The following SNTG1 variants were observed in gnomAD, a reference collection of about 807,000 sequenced individuals.
The protein encoded by SNTG1 is gamma-1-syntrophin.
In SNTG1, 39 loss-of-function variants were observed where a neutral mutation model predicts 74.7. The ratio of observed to expected loss-of-function variants is 0.52; its 90% CI spans 0.40 to 0.68. SNTG1 has a LOEUF of 0.68. Ranked by LOEUF, SNTG1 falls within the 30% of genes least tolerant of loss-of-function variation. The pLI is 0.00. For synonymous variants in SNTG1, 254 were observed against 217.1 expected (o/e 1.17, Z -1.49); for missense variants, 685 against 609.5 (o/e 1.12, Z -1.30).
intron 1 of SNTG1, among the ~76,000 whole-genome samples, chr8:50,069,032 G>A (rs2130988561): frequency 6.6e-6 from 1 of 152,250 alleles, no homozygotes; most frequent in African/African-American, 2.4e-5. Flanking sequence ...CAATTTATCT[G>A]TTTTCTCCAG....
intron 18 of SNTG1, 48 bp downstream of exon 18, chr8:50,752,159 C>A: frequency 9.7e-7 from 1 of 1,031,316 alleles, no homozygotes; most frequent in South Asian, 2.4e-5. Context: ...ACATTAATGC[C>A]ATTAAGGAAC....
At chr8:50,781,798 C>T (rs1321165019) in intron 18 of SNTG1, among the ~76,000 whole-genome samples, 1 of 152,142 alleles carries the variant, frequency 6.6e-6, no homozygotes, top group Non-Finnish European at 1.5e-5. Context: ...TCTTCCTAGC[C>T]TTGATGGTCT....
chr8:50,518,432 C>T (rs994674984), intron 9 of SNTG1, among the ~76,000 whole-genome samples: 4 of 152,006 alleles, frequency 2.6e-5, no homozygotes, highest in African/African-American at 9.7e-5. Flanking sequence ...TAAAAGCTAG[C>T]AGAAGACAAG....
chr8:50,564,472 AT>A (rs2094505114), intron 12 of SNTG1, among the ~76,000 whole-genome samples: 1 of 152,082 alleles, frequency 6.6e-6, no homozygotes, highest in Non-Finnish European at 1.5e-5. Context: ...TTGAATAGTT[AT>A]TTTGCATTTA....
At chr8:50,499,076 C>T (rs1419201501) in intron 8 of SNTG1, among the ~76,000 whole-genome samples, 1 of 151,308 alleles carries the variant, frequency 6.6e-6, no homozygotes, top group African/African-American at 2.4e-5. Flanking sequence ...TTTGATTTTC[C>T]AAAGGTGGTT....
intron 15 of SNTG1, among the ~76,000 whole-genome samples, chr8:50,671,972 C>T (rs1563724742): frequency 7.0e-6 from 1 of 142,156 alleles, no homozygotes; most frequent in African/African-American, 2.7e-5. Context: ...CATGTTCTCA[C>T]TCACAGATGG....
At chr8:50,448,029 A>G (rs892942874) in intron 5 of SNTG1, among the ~76,000 whole-genome samples, 2 of 152,152 alleles carry the variant, frequency 1.3e-5, no homozygotes, top group African/African-American at 4.8e-5. Flanking sequence ...GCCACAAATC[A>G]CTATCTCTGT....
At chr8:50,602,483 A>T (rs933850295) in intron 13 of SNTG1, among the ~76,000 whole-genome samples, 2 of 152,016 alleles carry the variant, frequency 1.3e-5, no homozygotes, top group East Asian at 1.9e-4. Context: ...AGTTGTAGTT[A>T]TTATTTTTGA....
At chr8:50,083,369 A>T (rs1316973572) in intron 1 of SNTG1, among the ~76,000 whole-genome samples, 1 of 152,216 alleles carries the variant, frequency 6.6e-6, no homozygotes, top group Non-Finnish European at 1.5e-5. Flanking sequence ...AGAGACTTAG[A>T]TAATTCTTTA....
At chr8:50,516,113 T>G (rs2130058539) in intron 9 of SNTG1, among the ~76,000 whole-genome samples, 1 of 152,184 alleles carries the variant, frequency 6.6e-6, no homozygotes, top group African/African-American at 2.4e-5. Flanking sequence ...GGCAACAATT[T>G]TTGCTGTTCT....
chr8:49,952,952 A>C (rs1388722388), intron 1 of SNTG1, among the ~76,000 whole-genome samples: 2 of 152,218 alleles, frequency 1.3e-5, no homozygotes, highest in African/African-American at 2.4e-5. Context: ...TCAATTGTTC[A>C]GTATCATGTA....
chr8:49,967,254 C>T (rs1811225973), intron 1 of SNTG1, among the ~76,000 whole-genome samples: 1 of 152,190 alleles, frequency 6.6e-6, no homozygotes, highest in African/African-American at 2.4e-5. Context: ...TTGAAGAATG[C>T]CTGTCTGGCT....
chr8:50,403,869 T>G (rs1187967007), intron 4 of SNTG1, among the ~76,000 whole-genome samples: 1 of 152,196 alleles, frequency 6.6e-6, no homozygotes, highest in Non-Finnish European at 1.5e-5. Context: ...TAGTTAACAT[T>G]GAACATTTTC....
chr8:50,155,410 TA>T (rs1187419056), intron 1 of SNTG1, among the ~76,000 whole-genome samples: 1 of 151,936 alleles, frequency 6.6e-6, no homozygotes, highest in Non-Finnish European at 1.5e-5. Flanking sequence ...AAAAATTAGC[TA>T]AAAGTGTATT....
chr8:50,677,759 G>C (rs557753320), intron 15 of SNTG1, among the ~76,000 whole-genome samples: 55 of 152,048 alleles, frequency 3.6e-4, no homozygotes, highest in Admixed American at 3.6e-3. Flanking sequence ...AAATATTATG[G>C]AAAAGTTTTC....
chr8:50,513,881 G>A (rs761681688), intron 9 of SNTG1, among the ~76,000 whole-genome samples: 14 of 152,096 alleles, frequency 9.2e-5, no homozygotes, highest in South Asian at 2.1e-4. Context: ...GCAATGCCTC[G>A]CCCTGCTTCA....
At chr8:50,669,719 C>T (rs1456375085) in intron 15 of SNTG1, among the ~76,000 whole-genome samples, 1 of 152,120 alleles carries the variant, frequency 6.6e-6, no homozygotes, top group Non-Finnish European at 1.5e-5. Context: ...GATACAAAAG[C>T]CTGGCAGAGA....
intron 2 of SNTG1, among the ~76,000 whole-genome samples, chr8:50,359,484 C>CAA (rs1446392166): frequency 6.6e-6 from 1 of 152,168 alleles, no homozygotes; most frequent in Non-Finnish European, 1.5e-5. Context: ...GGCTTAGCTC[C>CAA]AATTTTTGCA....
At chr8:50,324,153 G>C (rs530179095) in intron 2 of SNTG1, among the ~76,000 whole-genome samples, 9 of 152,254 alleles carry the variant, frequency 5.9e-5, no homozygotes, top group African/African-American at 2.2e-4. Context: ...GCTGGGATGG[G>C]CCATTCCTCT....
Sources: allele counts gnomAD v4.1 joint callset (sites outside exome capture counted in the v4.1 genomes callset), GRCh38; gene constraint gnomAD v4.1.1; transcripts MANE v1.5; gene names NCBI Gene and HGNC (gene_info 2026-07-23, HGNC 2026-07-21).